ACAD10: variants seen among roughly 807,000 people sequenced by gnomAD.
ACAD10 encodes ACAD-10.
Under a neutral mutation model 116.8 loss-of-function variants are expected in ACAD10, and 112 were observed. The observed-to-expected ratio is 0.96, with a 90% CI of 0.82 to 1.12. The LOEUF (loss-of-function observed/expected upper bound fraction) is 1.12, where lower values mean the gene tolerates loss of function less well. Among genes scored for constraint, ACAD10 ranks in the 50% most tolerant of loss-of-function variants. The pLI is 0.00. For synonymous variants in ACAD10, 486 were observed against 510.6 expected, an observed-to-expected ratio of 0.95 and a Z score of 0.65; for missense variants, 1,259 against 1,350.2, an observed-to-expected ratio of 0.93 and a Z score of 1.06.
Position 111,755,655 on chromosome 12 carries a change from C to T in ACAD10, c.2962-13C>T, listed in dbSNP as rs1468946346. The T allele has an allele frequency of 1.2e-6, 2 of 1,612,684 alleles. No homozygotes were observed. The highest frequency in any genetic ancestry group is 2.2e-5 in the South Asian group (2 of 91,014). ...CTCGGGTCTTTTATGATCGCATCTC[C>T]TCCTCCTTACAGGCTGCAGCCTTGG... is the stretch of plus-strand genomic sequence containing the variant. On this transcript the variant is annotated splice_polypyrimidine_tract_variant and intron_variant, in intron 19 of 20. Coordinates refer to ENST00000313698, the MANE Select transcript of ACAD10 (RefSeq NM_025247.6).
At chr12:111,754,650 T>C (rs1236603209) in intron 19 of ACAD10, among the ~76,000 whole-genome samples, 1 of 152,204 alleles carries the variant, frequency 6.6e-6, no homozygotes, top group Admixed American at 6.5e-5. Context: ...TTCCTGGTTC[T>C]TTGACGCTGG....
rs201264900 is a variant in ACAD10, at chr12:111,713,937, C to CA, written c.850+1280_850+1281insA. Among the ~76,000 whole-genome samples, 283 of 145,126 alleles carry CA rather than the reference C, an allele frequency of 2.0e-3. 1 individual carries two copies. Among genetic ancestry groups the CA allele is most frequent in the South Asian group, 7.7e-3 (35 of 4,524 alleles). On this transcript the variant is annotated intron_variant, in intron 6 of 20. Coordinates refer to ENST00000313698, the MANE Select transcript of ACAD10 (RefSeq NM_025247.6). ...GACAGAGCAAGACTCCGTCCCCCCCCCAAAAAAAAAAGGAAAAATAATGTT... is the reference window on the plus strand; with the variant it reads ...GACAGAGCAAGACTCCGTCCCCCCCCACAAAAAAAAAAGGAAAAATAATGTT...
intron 1 of ACAD10, chr12:111,691,284 A>T (rs1393450559): frequency 6.6e-6 from 1 of 152,368 alleles, no homozygotes; most frequent in East Asian, 1.9e-4. Flanking sequence ...AGTGATCTGT[A>T]AGTGGAAATG....
At chr12:111,740,114 A>C (rs1352054270) in intron 12 of ACAD10, among the ~76,000 whole-genome samples, 1 of 152,148 alleles carries the variant, frequency 6.6e-6, no homozygotes, top group Non-Finnish European at 1.5e-5. Flanking sequence ...GAAGGCGAGC[A>C]GTAGAACCCG....
At chr12:111,748,229 G>A (rs1889970824) in intron 16 of ACAD10, 88 bp from the exon 17 acceptor site, 2 of 1,521,546 alleles carry the variant, frequency 1.3e-6, no homozygotes, top group African/African-American at 1.4e-5. Context: ...CTTCCTTACT[G>A]TGCCTTTCTT....
At chr12:111,712,302 T>C (rs1334464294) in intron 5 of ACAD10, among the ~76,000 whole-genome samples, 196 bp from the exon 6 acceptor site, 3 of 152,072 alleles carry the variant, frequency 2.0e-5, no homozygotes, top group Non-Finnish European at 4.4e-5. Context: ...TTCAGACACC[T>C]CCTAGGAAAC....
intron 12 of ACAD10, among the ~76,000 whole-genome samples, chr12:111,743,702 C>G (rs914530819): frequency 7.2e-5 from 11 of 151,974 alleles, no homozygotes; most frequent in Admixed American, 3.9e-4. Flanking sequence ...TTGCAGAGTT[C>G]TACATTAAGG....
chr12:111,691,566 A>G (rs1159120448), intron 1 of ACAD10, among the ~76,000 whole-genome samples: 1 of 151,638 alleles, frequency 6.6e-6, no homozygotes, highest in African/African-American at 2.4e-5. Context: ...AGATGAAAAA[A>G]TGGGGAGCTG....
chr12:111,698,677 A>T (rs1363421289), intron 2 of ACAD10, among the ~76,000 whole-genome samples: 2 of 151,410 alleles, frequency 1.3e-5, no homozygotes, highest in Admixed American at 6.6e-5. Context: ...GAGTTTCTCC[A>T]CGTTGGTCAG....
intron 8 of ACAD10, among the ~76,000 whole-genome samples, chr12:111,724,719 GT>G (rs1458738059): frequency 6.6e-6 from 1 of 152,172 alleles, no homozygotes; most frequent in Non-Finnish European, 1.5e-5. Context: ...AGGCAGGGAG[GT>G]TGCAGTGAGC....
intron 10 of ACAD10, among the ~76,000 whole-genome samples, chr12:111,731,147 G>A (rs1318030852): frequency 6.6e-6 from 1 of 152,118 alleles, no homozygotes; most frequent in South Asian, 2.1e-4. Flanking sequence ...TGGCTTGACC[G>A]GTGTCCCTCG....
rs371236053 is a variant in ACAD10 at position 111,755,763 on chromosome 12, A to G, written c.3039+18A>G. The G allele has an allele frequency of 7.5e-5, 121 of 1,612,248 alleles. No homozygotes were observed. The highest frequency in any genetic ancestry group is 9.8e-5 in the Non-Finnish European group (115 of 1,178,764). ...CGATTCAGGTGAGCACAGACCAGACAGTTGGCTTATTTGAACCATCAATAC... is the reference window on the plus strand; with the variant it reads ...CGATTCAGGTGAGCACAGACCAGACGGTTGGCTTATTTGAACCATCAATAC... On this transcript the variant is annotated intron_variant, in intron 20 of 20. Coordinates refer to ENST00000313698, the MANE Select transcript of ACAD10 (RefSeq NM_025247.6).
intron 8 of ACAD10, among the ~76,000 whole-genome samples, chr12:111,722,676 A>G (rs1889050711): frequency 6.6e-6 from 1 of 152,278 alleles, no homozygotes; most frequent in Non-Finnish European, 1.5e-5. Context: ...GACACAGCAC[A>G]TGTTTCAGAG....
Position 111,756,172 on chromosome 12 carries a change from C to A in ACAD10, c.3040-161C>A. On this transcript the variant is annotated intron_variant, in intron 20 of 20. Coordinates refer to ENST00000313698, the MANE Select transcript of ACAD10 (RefSeq NM_025247.6). ...GGCCGTGGGATGGCAGGTGTGGCCC[C>A]ATGGAAGCCCTCTGGAATATTAGTG... The A allele has an allele frequency of 7.0e-6, 10 of 1,427,378 alleles. No individual in the cohort carries two copies. The South Asian group carries it at 1.1e-4, about 15-fold the overall frequency. The allele number at this position is 1,427,378 out of a possible 1,614,324, so 88.4% of individuals were successfully genotyped here.
At chr12:111,733,791 G>A (rs536906390) in intron 10 of ACAD10, 132 bp from the exon 11 acceptor site, 93 of 1,086,518 alleles carry the variant, frequency 8.6e-5, no homozygotes, top group Admixed American at 3.5e-4. Flanking sequence ...ACAGCCCAGG[G>A]AGCTCAGGCA....
intron 8 of ACAD10, among the ~76,000 whole-genome samples, chr12:111,725,830 G>C (rs965708131): frequency 4.0e-5 from 6 of 151,854 alleles, no homozygotes; most frequent in South Asian, 4.2e-4. Context: ...CACTGCACCC[G>C]GCCGACATTG....
chr12:111,691,343 G>A (rs565149616), intron 1 of ACAD10, among the ~76,000 whole-genome samples: 57 of 152,052 alleles, frequency 3.7e-4, no homozygotes, highest in Non-Finnish European at 6.0e-4. Context: ...AGGAGGAGGC[G>A]AGTACAGGAC....
chr12:111,743,595 A>G (rs1889810379), intron 12 of ACAD10, among the ~76,000 whole-genome samples: 2 of 151,624 alleles, frequency 1.3e-5, no homozygotes, highest in African/African-American at 4.8e-5. Flanking sequence ...CTCAGCCTCC[A>G]AAGTGCTGAG....
chr12:111,742,926 T>C (rs1189008096), intron 12 of ACAD10, among the ~76,000 whole-genome samples: 1 of 151,848 alleles, frequency 6.6e-6, no homozygotes, highest in Non-Finnish European at 1.5e-5. Context: ...CCCAGGCTGG[T>C]CTCGAACTGA....
Sources: gnomAD v4.1 joint callset for allele counts (sites outside exome capture counted in the v4.1 genomes callset) on GRCh38, gnomAD v4.1.1 for gene constraint, MANE v1.5 for transcripts, NCBI Gene and HGNC (gene_info 2026-07-23, HGNC 2026-07-21) for gene names.